GRIK5: variants seen among roughly 807,000 people sequenced by gnomAD.
The protein encoded by GRIK5 is glutamate receptor ionotropic, kainate 5.
GRIK5 carries 43 observed loss-of-function variants against 97.4 expected under a neutral mutation model. The observed-to-expected ratio is 0.44, with a 90% CI of 0.35 to 0.57. The LOEUF (loss-of-function observed/expected upper bound fraction) is 0.57. Among genes scored for constraint, GRIK5 ranks in the 20% least tolerant of loss-of-function variants. The pLI is 0.01. For synonymous variants in GRIK5, 580 were observed against 583.5 expected (o/e 0.99, Z 0.09); for missense variants, 1,015 against 1,382.0 (o/e 0.73, Z 4.21).
rs920241467 is a variant in GRIK5, at chr19:42,065,157, C to T, written c.244+66G>A. ...ACAAGGCCAGGCCAGAGGCCAGGGG[C>T]AGAGGGATGGACTGAGGGCCACCGA... On this transcript the variant is annotated intron_variant, in intron 3 of 19. Coordinates refer to ENST00000593562, the MANE Select transcript of GRIK5 (RefSeq NM_002088.5). This position sits in a 1 kb window ranked among gnomAD's most constrained non-coding sequence, Gnocchi z 5.8. 49 of 1,415,470 alleles carry T rather than the reference C, an allele frequency of 3.5e-5. No individual in the cohort carries two copies. Among genetic ancestry groups the T allele is most frequent in the African/African-American group, 4.2e-5 (3 of 71,184 alleles). The allele number at this position is 1,415,470 out of a possible 1,614,324, so 87.7% of individuals were successfully genotyped here.
At chr19:42,059,633 G>A in intron 5 of GRIK5, 106 bp from the exon 6 acceptor site, 1 of 969,776 alleles carries the variant, frequency 1.0e-6, no homozygotes, top group Admixed American at 2.3e-5. Context: ...GGACTGGAGG[G>A]TGTGCAAGGA....
In GRIK5 at chr19:42,056,773, G is replaced by A. The variant is rs755691532; in HGVS notation, c.792C>T (p.Ile264=). 5.0e-6 allele frequency: 8 copies of A among 1,614,140 alleles called. No homozygotes were observed. The highest frequency in any genetic ancestry group is 2.2e-5 in the East Asian group (1 of 44,880). Residue 264 remains isoleucine (I), a synonymous_variant, in exon 8 of 20, where the codon ATC becomes ATT. Coordinates refer to ENST00000593562, the MANE Select transcript of GRIK5 (RefSeq NM_002088.5). ...LDGIVEDSSN[I]LGFSMFNTSH... ...ACGTGTTGAACATGGAGAAGCCCAGGATGTTGGAGGAGTCCTCCACAATAC... is the reference window on the plus strand; with the variant it reads ...ACGTGTTGAACATGGAGAAGCCCAGAATGTTGGAGGAGTCCTCCACAATAC...
Position 42,021,567 on chromosome 19 carries a change from A to C in GRIK5, c.1698-93T>G. ...AAGGAAAGTCACAGTGATCAGAAGAAAGGGGGAGAGATGGAAAAAGGAGCA... is the reference window on the plus strand; with the variant it reads ...AAGGAAAGTCACAGTGATCAGAAGACAGGGGGAGAGATGGAAAAAGGAGCA... On this transcript the variant is annotated intron_variant, in intron 14 of 19. Coordinates refer to ENST00000593562, the MANE Select transcript of GRIK5 (RefSeq NM_002088.5). This position sits in a 1 kb window ranked among gnomAD's most constrained non-coding sequence, Gnocchi z 4.2. The C allele has an allele frequency of 1.9e-6, 2 of 1,073,156 alleles. No homozygotes were observed. Among genetic ancestry groups the C allele is most frequent in the Non-Finnish European group, 2.6e-6 (2 of 763,396 alleles). The allele number at this position is 1,073,156 out of a possible 1,614,324, so 66.5% of individuals were successfully genotyped here.
At chr19:42,061,609 A>G (rs1347288357) in intron 5 of GRIK5, among the ~76,000 whole-genome samples, 2 of 152,178 alleles carry the variant, frequency 1.3e-5, no homozygotes, top group Non-Finnish European at 2.9e-5. Context: ...AAGACACACC[A>G]TGCCCGACGT....
intron 11 of GRIK5, chr19:42,043,003 C>A (rs2075998301): frequency 3.6e-6 from 2 of 554,038 alleles, no homozygotes; most frequent in Non-Finnish European, 6.4e-6. Flanking sequence ...CAGCAGCCAA[C>A]CTGATGCTCA....
intron 12 of GRIK5, among the ~76,000 whole-genome samples, chr19:42,040,725 G>A (rs115083730): frequency 0.089 from 13,522 of 151,946 alleles, 807 homozygotes; most frequent in Middle Eastern, 0.16. Flanking sequence ...GCACGGTGGC[G>A]CACCTGTAAT....
At chr19:42,008,455 C>T (rs1044532709) in intron 15 of GRIK5, among the ~76,000 whole-genome samples, 3 of 152,104 alleles carry the variant, frequency 2.0e-5, no homozygotes, top group African/African-American at 7.2e-5. Flanking sequence ...GGCAATACCC[C>T]GTCTCTACTA....
intron 12 of GRIK5, among the ~76,000 whole-genome samples, chr19:42,040,625 G>A (rs559038122): frequency 1.3e-5 from 2 of 152,228 alleles, no homozygotes; most frequent in South Asian, 4.2e-4. Flanking sequence ...TGGGAGGTGA[G>A]GTGGGCGGAT....
Position 42,021,361 on chromosome 19 carries a change from A to G in GRIK5, c.1811T>C (p.Met604Thr), listed in dbSNP as rs762467762. ...NSLWFPVGGF[M>T]QQGSEIMPRA... is the part of the protein sequence containing the mutation. ...GGGCATGATCTCCGAGCCCTGCTGC[A>G]TGAAGCCCCCCACGGGAAACCACAG... The change falls in exon 15 of 20, where the codon ATG (methionine) becomes ACG (threonine). Residue 604 changes from methionine to threonine, a missense_variant. Met to Thr is a moderately conservative substitution (Grantham distance 81). Coordinates refer to ENST00000593562, the MANE Select transcript of GRIK5 (RefSeq NM_002088.5). This position sits in a 1 kb window ranked among gnomAD's most constrained non-coding sequence, Gnocchi z 4.2. The G allele has an allele frequency of 1.2e-6, 2 of 1,613,758 alleles. No homozygotes were observed. The highest frequency in any genetic ancestry group is 1.7e-5 in the Admixed American group (1 of 59,996).
At chr19:42,043,485 A>G (rs1433927869) in intron 11 of GRIK5, among the ~76,000 whole-genome samples, 1 of 147,696 alleles carries the variant, frequency 6.8e-6, no homozygotes, top group African/African-American at 2.5e-5. Context: ...AACTCACTGC[A>G]ACCTCCACCT....
chr19:42,015,844 G>T (rs1354644733), intron 15 of GRIK5, among the ~76,000 whole-genome samples: 1 of 152,164 alleles, frequency 6.6e-6, no homozygotes, highest in African/African-American at 2.4e-5. Flanking sequence ...GGGGCCTGAA[G>T]GCAGAGGAGA....
In GRIK5 at chr19:42,003,391, C is replaced by G. The variant is rs782556555; in HGVS notation, c.2455G>C (p.Val819Leu). 1 of 1,613,434 alleles carries G rather than the reference C, an allele frequency of 6.2e-7. No homozygotes were observed. The highest frequency in any genetic ancestry group is 8.5e-7 in the Non-Finnish European group (1 of 1,179,716). ...IVLICGLIIA[V>L]FVAVMEFIWS... is the part of the protein sequence containing the mutation. ...ATGAATTCCATGACCGCCACGAAGACAGCAATGATGAGGCCACAGATGAGC... is the reference window on the plus strand; with the variant it reads ...ATGAATTCCATGACCGCCACGAAGAGAGCAATGATGAGGCCACAGATGAGC... Residue 819 changes from valine (V) to leucine (L), a missense_variant, in exon 19 of 20, where the codon GTC (valine) becomes CTC (leucine). Physicochemically the swap from Val to Leu is conservative, Grantham distance 32. Transcript: ENST00000593562. This position sits in a 1 kb window ranked among gnomAD's most constrained non-coding sequence, Gnocchi z 4.2.
Position 42,003,625 on chromosome 19 carries a change from C to T in GRIK5, c.2322G>A (p.Arg774=). 1 of 1,613,800 alleles carries T rather than the reference C, an allele frequency of 6.2e-7. No individual in the cohort carries two copies. The highest frequency in any genetic ancestry group is 1.1e-5 in the South Asian group (1 of 91,024). ...LAILQLQENN[R]LEILKRKWWE... is the part of the protein sequence containing the mutation. ...ACCACTTGCGCTTCAGGATCTCCAGCCGGTTGTTCTCCTGAAGCTGCAGGA... is the reference window on the plus strand; with the variant it reads ...ACCACTTGCGCTTCAGGATCTCCAGTCGGTTGTTCTCCTGAAGCTGCAGGA... The change falls in exon 18 of 20, where the codon CGG becomes CGA. Residue 774 remains arginine, a synonymous_variant. Transcript: ENST00000593562. This position sits in a 1 kb window ranked among gnomAD's most constrained non-coding sequence, Gnocchi z 4.2.
chr19:42,005,369 C>G (rs1447397127), intron 17 of GRIK5, among the ~76,000 whole-genome samples: 1 of 152,086 alleles, frequency 6.6e-6, no homozygotes, highest in Non-Finnish European at 1.5e-5. Flanking sequence ...CTGCTCTGAG[C>G]CAGGCTATAG....
intron 12 of GRIK5, among the ~76,000 whole-genome samples, chr19:42,041,250 G>A (rs2075973813): frequency 6.6e-6 from 1 of 152,164 alleles, no homozygotes; most frequent in Non-Finnish European, 1.5e-5. Flanking sequence ...GATGAGCTCT[G>A]TCAAGTCTAA....
intron 12 of GRIK5, among the ~76,000 whole-genome samples, chr19:42,026,427 T>C (rs941119663): frequency 2.6e-5 from 4 of 151,224 alleles, no homozygotes; most frequent in Non-Finnish European, 5.9e-5. Flanking sequence ...CTGTCTAATA[T>C]TTTTTTAGTA....
Position 42,012,434 on chromosome 19 carries a change from A to G in GRIK5, c.1872-5624T>C, listed in dbSNP as rs532115439. Among the ~76,000 whole-genome samples the G allele has an allele frequency of 7.9e-5, 12 of 152,180 alleles. No homozygotes were observed. The South Asian group carries it at 1.9e-3, about 24-fold the overall frequency. ...CCTGGCTAATTTTTTGTATTTTAGT[A>G]GAGATGGGGTTTCACCTTGTTGCCC... is the stretch of plus-strand genomic sequence containing the variant. On this transcript the variant is annotated intron_variant, in intron 15 of 19. Transcript: ENST00000593562.
At chr19:42,046,351 C>T (rs556260856) in intron 11 of GRIK5, among the ~76,000 whole-genome samples, 17 of 152,238 alleles carry the variant, frequency 1.1e-4, no homozygotes, top group African/African-American at 3.4e-4. Flanking sequence ...CTTAGAGTCA[C>T]AGACTATCAG....
chr19:42,005,708 C>A lies in GRIK5; in HGVS notation c.2263+15G>T. The A allele has an allele frequency of 1.9e-6, 3 of 1,574,862 alleles. No individual in the cohort carries two copies. Among genetic ancestry groups the A allele is most frequent in the Non-Finnish European group, 2.6e-6 (3 of 1,145,302 alleles). On this transcript the variant is annotated intron_variant, in intron 17 of 19. Transcript: ENST00000593562. Reference sequence around the variant, plus strand: ...CCCACGGCCCTGCTGTGTTCCACACCGTGCTGTGCCGTACCCAGCGGCATG... The same window carrying A: ...CCCACGGCCCTGCTGTGTTCCACACAGTGCTGTGCCGTACCCAGCGGCATG...
Sources: gnomAD v4.1 joint callset for allele counts (sites outside exome capture counted in the v4.1 genomes callset) on GRCh38, gnomAD v4.1.1 for gene constraint, Gnocchi (gnomAD v3.1) non-coding constraint, MANE v1.5 for transcripts, NCBI Gene and HGNC (gene_info 2026-07-23, HGNC 2026-07-21) for gene names.